The following CDH19 variants were observed in gnomAD, a reference collection of about 807,000 sequenced individuals.
CDH19 encodes cadherin-19.
Under a neutral mutation model 64.2 loss-of-function variants are expected in CDH19, and 67 were observed. The observed-to-expected ratio is 1.04, with a 90% CI of 0.86 to 1.28. The LOEUF is 1.28. Among genes scored for constraint, CDH19 ranks in the 50% most tolerant of loss-of-function variants. The probability of loss-of-function intolerance (pLI) is 0.00; values close to 1 mark genes in which losing one functional copy is unlikely to be tolerated. For missense variants in CDH19, 1,030 were observed against 929.0 expected, an observed-to-expected ratio of 1.11 and a Z score of -1.41; for synonymous variants, 346 against 319.3, an observed-to-expected ratio of 1.08 and a Z score of -0.89.
intron 9 of CDH19, among the ~76,000 whole-genome samples, chr18:66,521,182 G>A (rs757324050): frequency 6.6e-6 from 1 of 151,986 alleles, no homozygotes; most frequent in Non-Finnish European, 1.5e-5. Flanking sequence ...GTGGTTTCTG[G>A]ATCTGATAAA....
At chr18:66,509,320 A>G in intron 10 of CDH19, 74 bp from the exon 11 acceptor site, 2 of 1,273,136 alleles carry the variant, frequency 1.6e-6, no homozygotes, top group Non-Finnish European at 2.2e-6. Flanking sequence ...CACATGTGCT[A>G]GGGACAATAG....
intron 5 of CDH19, among the ~76,000 whole-genome samples, chr18:66,548,245 TTATATA>T (rs201306230): frequency 1.0e-5 from 1 of 98,734 alleles, no homozygotes; most frequent in African/African-American, 4.0e-5. Context: ...CTGAACCCCT[TTATATA>T]TATATATATA....
Position 66,535,131 on chromosome 18 carries a change from T to C in CDH19, c.1215-24A>G, listed in dbSNP as rs780325763. ...ACCTGAACCAAAAGGAAAGTATACCTTAATATTTTTATTCTATCTGCATAA... is the reference window on the plus strand; with the variant it reads ...ACCTGAACCAAAAGGAAAGTATACCCTAATATTTTTATTCTATCTGCATAA... On this transcript the variant is annotated intron_variant, in intron 7 of 11. Coordinates refer to ENST00000262150, the MANE Select transcript of CDH19 (RefSeq NM_021153.4). 3.0e-5 allele frequency: 41 copies of C among 1,370,646 alleles called. No homozygotes were observed. The Admixed American group carries it at 3.2e-4, about 11-fold the overall frequency. The allele number at this position is 1,370,646 out of a possible 1,614,324, so 84.9% of individuals were successfully genotyped here. A position where few individuals can be genotyped will look rare whatever the true frequency, so the allele number is the denominator to read the frequency against.
intron 9 of CDH19, among the ~76,000 whole-genome samples, chr18:66,527,277 C>A (rs1260221892): frequency 6.6e-6 from 1 of 151,654 alleles, no homozygotes. Flanking sequence ...TTCATATTTA[C>A]AAAACATACA....
In CDH19 at chr18:66,527,047, ATGTG is replaced by A. The variant is rs71169151; in HGVS notation, c.1458+2794_1458+2797del. Among the ~76,000 whole-genome samples the A allele has an allele frequency of 6.5e-4, 94 of 144,984 alleles. 1 individual carries two copies. Among genetic ancestry groups the A allele is most frequent in the African/African-American group, 2.1e-3 (77 of 37,504 alleles). ...AATATATAAATATGTATATATATAT[ATGTG>A]TGTGTGTGTGTGTGTGTGTATGTAT... On this transcript the variant is annotated intron_variant, in intron 9 of 11. Transcript: ENST00000262150.
chr18:66,585,285 T>C (rs1988543732), intron 1 of CDH19, among the ~76,000 whole-genome samples: 1 of 152,070 alleles, frequency 6.6e-6, no homozygotes, highest in African/African-American at 2.4e-5. Flanking sequence ...TGCACCATAG[T>C]AAAGACCAAG....
intron 1 of CDH19, among the ~76,000 whole-genome samples, chr18:66,590,410 T>C (rs2144625597): frequency 6.6e-6 from 1 of 152,074 alleles, no homozygotes; most frequent in East Asian, 1.9e-4. Flanking sequence ...GTAACTTGTC[T>C]TAGCCATAAA....
intron 1 of CDH19, among the ~76,000 whole-genome samples, chr18:66,580,722 T>A (rs993956370): frequency 6.6e-6 from 1 of 152,118 alleles, no homozygotes; most frequent in Non-Finnish European, 1.5e-5. Context: ...AAAATCATCA[T>A]TTATAATTCT....
At chr18:66,509,695 GT>G in intron 10 of CDH19, among the ~76,000 whole-genome samples, 1 of 151,700 alleles carries the variant, frequency 6.6e-6, no homozygotes, top group Admixed American at 6.6e-5. Flanking sequence ...CTTTATTTGT[GT>G]TAATTACATA....
rs774642891 is a variant in CDH19 at position 66,504,674 on chromosome 18, G to A, written c.*138C>T. On this transcript the variant is annotated 3_prime_UTR_variant, in exon 12 of 12. Coordinates refer to ENST00000262150, the MANE Select transcript of CDH19 (RefSeq NM_021153.4). ...GTAGGTAGCTTAAAATAACCATGGA[G>A]TATTTACTCCAGGGAAATCAGAAAA... 1.3e-6 allele frequency: 1 copy of A among 778,348 alleles called. No individual in the cohort carries two copies. Among genetic ancestry groups the A allele is most frequent in the Non-Finnish European group, 2.0e-6 (1 of 508,848 alleles). The allele number at this position is 778,348 out of a possible 1,614,324, so 48.2% of individuals were successfully genotyped here. A position where few individuals can be genotyped will look rare whatever the true frequency, so the allele number is the denominator to read the frequency against.
intron 9 of CDH19, among the ~76,000 whole-genome samples, chr18:66,512,183 G>A (rs982258797): frequency 6.6e-6 from 1 of 151,608 alleles, no homozygotes; most frequent in African/African-American, 2.4e-5. Flanking sequence ...CATTTAAAAT[G>A]TAGGGGCAAT....
chr18:66,563,710 A>G (rs2144554813), intron 3 of CDH19, among the ~76,000 whole-genome samples: 1 of 152,100 alleles, frequency 6.6e-6, no homozygotes, highest in East Asian at 1.9e-4. Context: ...TTTATACTTG[A>G]GCTGCAATTA....
At chr18:66,532,576 T>C in intron 8 of CDH19, 1 of 325,278 alleles carries the variant, frequency 3.1e-6, no homozygotes, top group Non-Finnish European at 6.0e-6. Flanking sequence ...TTTTTCTTTG[T>C]CCCTTTGAAG....
chr18:66,521,122 C>A (rs1489457914), intron 9 of CDH19, among the ~76,000 whole-genome samples: 1 of 152,022 alleles, frequency 6.6e-6, no homozygotes, highest in African/African-American at 2.4e-5. Flanking sequence ...ATCTATGAAT[C>A]AGTTTACTAA....
In CDH19 at chr18:66,588,605, C is replaced by CATATATATATATATATATATATATAT. The variant is rs1263242803; in HGVS notation, c.-113+15348_-113+15349insATATATATATATATATATATATATAT. Among the ~76,000 whole-genome samples, 15 of 116,802 alleles carry CATATATATATATATATATATATATAT rather than the reference C, an allele frequency of 1.3e-4. 3 individuals are homozygous for CATATATATATATATATATATATATAT. The highest frequency in any genetic ancestry group is 2.9e-4 in the South Asian group (1 of 3,506). 76.6% of individuals were successfully genotyped at this position (116,802 alleles called of 152,430 possible). Reference sequence around the variant, plus strand: ...AATGATCTTACTCATTTTTACTAATCATATATATCTATATCTATATCTATA... The same window carrying CATATATATATATATATATATATATAT: ...AATGATCTTACTCATTTTTACTAATCATATATATATATATATATATATATATATATATATCTATATCTATATCTATA... On this transcript the variant is annotated intron_variant, in intron 1 of 11. Coordinates refer to ENST00000262150, the MANE Select transcript of CDH19 (RefSeq NM_021153.4).
At chr18:66,531,948 A>G (rs898716174) in intron 8 of CDH19, among the ~76,000 whole-genome samples, 1 of 152,138 alleles carries the variant, frequency 6.6e-6, no homozygotes, top group Admixed American at 6.5e-5. Context: ...TTGTGAACTG[A>G]AAAAAGTAAG....
At chr18:66,505,678 C>T (rs1434596138) in intron 11 of CDH19, among the ~76,000 whole-genome samples, 2 of 150,912 alleles carry the variant, frequency 1.3e-5, no homozygotes, top group African/African-American at 2.4e-5. Flanking sequence ...TAAAACTTTG[C>T]AACCTGAATG....
In CDH19 at chr18:66,603,977, G is replaced by A. The variant is rs975766785; in HGVS notation, c.-136C>T. On this transcript the variant is annotated 5_prime_UTR_variant, in exon 1 of 12. Coordinates refer to ENST00000262150, the MANE Select transcript of CDH19 (RefSeq NM_021153.4). ...ACCTTTGTAACTTCAACTTCTAGAA[G>A]TTCTGTGAAAACTGAACAGCAAACT... The A allele has an allele frequency of 6.6e-6, 1 of 152,066 alleles. No individual in the cohort carries two copies. The highest frequency in any genetic ancestry group is 2.4e-5 in the African/African-American group (1 of 41,412). 9.4% of individuals were successfully genotyped at this position (152,066 alleles called of 1,614,324 possible).
rs574779375 is a variant in CDH19, at chr18:66,502,923, T to C, written c.*1889A>G. 3.9e-5 allele frequency: 6 copies of C among 152,040 alleles called. No homozygotes were observed. In the South Asian group the frequency reaches 6.2e-4, roughly 16 times the overall value. 9.4% of individuals were successfully genotyped at this position (152,040 alleles called of 1,614,324 possible). A position where few individuals can be genotyped will look rare whatever the true frequency, so the allele number is the denominator to read the frequency against. On this transcript the variant is annotated 3_prime_UTR_variant, in exon 12 of 12. Coordinates refer to ENST00000262150, the MANE Select transcript of CDH19 (RefSeq NM_021153.4). ...CCAATTTAATGGTGCCTGTTTCAGA[T>C]TGATGAAAAACTTTCTTTATTATGT...
Sources: gnomAD v4.1 joint callset for allele counts (sites outside exome capture counted in the v4.1 genomes callset) on GRCh38, gnomAD v4.1.1 for gene constraint, MANE v1.5 for transcripts, NCBI Gene and HGNC (gene_info 2026-07-23, HGNC 2026-07-21) for gene names.